The following SLCO3A1 variants were observed in gnomAD, a reference collection of about 807,000 sequenced individuals.
The protein encoded by SLCO3A1 is solute carrier organic anion transporter family member 3A1.
Under a neutral mutation model 63.1 loss-of-function variants are expected in SLCO3A1, and 27 were observed. The ratio of observed to expected loss-of-function variants is 0.43; its 90% CI spans 0.32 to 0.59. SLCO3A1 has a LOEUF of 0.59. SLCO3A1 is among the 20% of genes least tolerant of loss of function. SLCO3A1 has a pLI of 0.09. For missense variants in SLCO3A1, 773 were observed against 945.8 expected (o/e 0.82, Z 2.40); for synonymous variants, 473 against 409.9 (o/e 1.15, Z -1.86).
At chr15:91,969,241 T>C (rs1211514105) in intron 2 of SLCO3A1, among the ~76,000 whole-genome samples, 1 of 152,196 alleles carries the variant, frequency 6.6e-6, no homozygotes, top group Non-Finnish European at 1.5e-5. Flanking sequence ...ATCTGACTAC[T>C]ACATGTGGAT....
intron 2 of SLCO3A1, among the ~76,000 whole-genome samples, chr15:92,028,946 C>CGTGTGTGTGTGTGT (rs1555425656): frequency 1.0e-3 from 24 of 23,864 alleles, no homozygotes; most frequent in African/African-American, 4.4e-3. Flanking sequence ...TGTGTGTGTA[C>CGTGTGTGTGTGTGT]GTACATGAGA....
rs939380331 is a variant in SLCO3A1, at chr15:92,117,459, G to T, written c.1010-3006G>T. Among the ~76,000 whole-genome samples the T allele has an allele frequency of 2.0e-5, 3 of 152,318 alleles. No homozygotes were observed. The East Asian group carries it at 5.8e-4, about 29-fold the overall frequency. ...CGGCAGAGGATCGTTTTCCTGGAAT[G>T]TCCCCAGCCTGCCTATTTGACATTG... is the stretch of plus-strand genomic sequence containing the variant. On this transcript the variant is annotated intron_variant, in intron 4 of 9. Transcript: ENST00000318445.
intron 1 of SLCO3A1, among the ~76,000 whole-genome samples, chr15:91,904,995 T>G (rs1898258619): frequency 6.6e-6 from 1 of 152,162 alleles, no homozygotes; most frequent in African/African-American, 2.4e-5. Flanking sequence ...AGCAGTACAG[T>G]CCTATGGAAT....
chr15:91,949,253 A>G (rs2151408710), intron 2 of SLCO3A1, among the ~76,000 whole-genome samples: 1 of 152,260 alleles, frequency 6.6e-6, no homozygotes, highest in Non-Finnish European at 1.5e-5. Context: ...CTGGGTTCAA[A>G]TCCTGGCTCC....
intron 2 of SLCO3A1, among the ~76,000 whole-genome samples, chr15:91,933,363 C>G (rs965143651): frequency 3.3e-5 from 5 of 152,126 alleles, no homozygotes; most frequent in Admixed American, 6.5e-5. Context: ...CTAAGCCTGT[C>G]ATTTCTGTTC....
At chr15:92,172,014 G>A (rs985666513) in exon 11 of SLCO3A1, 11 of 639,314 alleles carry the variant, frequency 1.7e-5, no homozygotes, top group South Asian at 3.7e-5. Flanking sequence ...GGCCCCAAGC[G>A]CAGGCCTGTG....
chr15:92,056,294 T>C (rs779674846), intron 2 of SLCO3A1, among the ~76,000 whole-genome samples: 19 of 152,306 alleles, frequency 1.2e-4, no homozygotes, highest in Non-Finnish European at 2.2e-4. Context: ...GTGAATACAA[T>C]TCCTTGCTGA....
intron 3 of SLCO3A1, among the ~76,000 whole-genome samples, chr15:92,102,588 G>A (rs1808830393): frequency 6.6e-6 from 1 of 151,928 alleles, no homozygotes; most frequent in Non-Finnish European, 1.5e-5. Flanking sequence ...CGGCCCCCAA[G>A]TACTCCAGGC....
chr15:92,083,600 G>A (rs139661807), intron 2 of SLCO3A1, among the ~76,000 whole-genome samples: 4 of 152,280 alleles, frequency 2.6e-5, no homozygotes, highest in Non-Finnish European at 2.9e-5. Context: ...TCAGAGAATC[G>A]TATTTGTCTC....
At chr15:92,142,160 A>T (rs1371836544) in intron 7 of SLCO3A1, among the ~76,000 whole-genome samples, 1 of 152,186 alleles carries the variant, frequency 6.6e-6, no homozygotes, top group African/African-American at 2.4e-5. Context: ...ACACCAACAA[A>T]CAGACATTTT....
chr15:91,959,888 C>G (rs1293344401), intron 2 of SLCO3A1, among the ~76,000 whole-genome samples: 1 of 152,140 alleles, frequency 6.6e-6, no homozygotes, highest in African/African-American at 2.4e-5. Context: ...ATTATGCCCT[C>G]CCTAGCAGGT....
chr15:92,103,326 G>A (rs1428063304), intron 3 of SLCO3A1, among the ~76,000 whole-genome samples: 2 of 152,174 alleles, frequency 1.3e-5, no homozygotes, highest in South Asian at 2.1e-4. Context: ...CAAGGCAGGT[G>A]TAAAGAGAGA....
At chr15:91,974,109 A>T (rs747752723) in intron 2 of SLCO3A1, among the ~76,000 whole-genome samples, 4 of 152,006 alleles carry the variant, frequency 2.6e-5, no homozygotes, top group African/African-American at 9.7e-5. Flanking sequence ...ACCCAAAGCC[A>T]TCTGGAAAAG....
rs1306996993 is a variant in SLCO3A1 at position 91,863,581 on chromosome 15, G to A, written c.180+9493G>A. Among the ~76,000 whole-genome samples the A allele has an allele frequency of 6.6e-6, 1 of 152,208 alleles. No homozygotes were observed. The highest frequency in any genetic ancestry group is 1.5e-5 in the Non-Finnish European group (1 of 68,038). ...TGGCACATCACACCATCCTCTTCTTGAAGCTATACATGCGTGGGGTGCACA... is the reference window on the plus strand; with the variant it reads ...TGGCACATCACACCATCCTCTTCTTAAAGCTATACATGCGTGGGGTGCACA... On this transcript the variant is annotated intron_variant, in intron 1 of 9. Coordinates refer to ENST00000318445, the MANE Select transcript of SLCO3A1 (RefSeq NM_013272.4). The surrounding 1 kb of genome is among the most constrained non-coding windows in gnomAD (Gnocchi z 4.3).
Position 92,045,572 on chromosome 15 carries a change from C to A in SLCO3A1, c.647-49309C>A, listed in dbSNP as rs2046851085. Among the ~76,000 whole-genome samples, 3 of 152,128 alleles carry A rather than the reference C, an allele frequency of 2.0e-5. No homozygotes were observed. In the South Asian group the frequency reaches 6.2e-4, roughly 32 times the overall value. ...AGCATTTTTAATACCTGTATAATAG[C>A]CTTTCATACAGATGTGCAATTGATT... On this transcript the variant is annotated intron_variant, in intron 2 of 9. Transcript: ENST00000318445.
intron 2 of SLCO3A1, among the ~76,000 whole-genome samples, chr15:91,958,735 G>C (rs1285747887): frequency 6.6e-6 from 1 of 152,138 alleles, no homozygotes; most frequent in East Asian, 1.9e-4. Context: ...CCTTACTTCT[G>C]CAAGAATGGC....
intron 2 of SLCO3A1, among the ~76,000 whole-genome samples, chr15:92,053,718 A>G (rs1237350399): frequency 7.4e-6 from 1 of 135,278 alleles, no homozygotes; most frequent in Non-Finnish European, 1.6e-5. Flanking sequence ...TTTACTTCTC[A>G]TGGTTAAACT....
chr15:91,937,731 A>AG (rs1899466230), intron 2 of SLCO3A1, among the ~76,000 whole-genome samples: 1 of 151,950 alleles, frequency 6.6e-6, no homozygotes, highest in African/African-American at 2.4e-5. Flanking sequence ...AAAAAAAAAA[A>AG]AAAGTGGGAG....
At chr15:92,057,302 G>C (rs940526193) in intron 2 of SLCO3A1, among the ~76,000 whole-genome samples, 3 of 152,222 alleles carry the variant, frequency 2.0e-5, no homozygotes, top group Non-Finnish European at 4.4e-5. Context: ...TCATTTCACT[G>C]AGCAAAGGGA....
Sources: allele counts gnomAD v4.1 joint callset (sites outside exome capture counted in the v4.1 genomes callset), GRCh38; gene constraint gnomAD v4.1.1; non-coding constraint Gnocchi (gnomAD v3.1); transcripts MANE v1.5; gene names NCBI Gene and HGNC (gene_info 2026-07-23, HGNC 2026-07-21).